Variants in GPHN observed in about 807,000 individuals in gnomAD.
GPHN encodes the protein gephyrin.
A neutral mutation model predicts 95.5 loss-of-function variants in GPHN; 17 were observed. The observed-to-expected ratio is 0.18, with a 90% CI of 0.12 to 0.27. The LOEUF (loss-of-function observed/expected upper bound fraction) is 0.27, where lower values mean the gene tolerates loss of function less well. Among genes scored for constraint, GPHN ranks in the 10% least tolerant of loss-of-function variants. The pLI is 1.00. For missense variants in GPHN, 660 were observed against 978.1 expected (o/e 0.67, Z 4.34); for synonymous variants, 320 against 322.5 (o/e 0.99, Z 0.08).
the GPHN span, among the ~76,000 whole-genome samples, chr14:67,367,142 A>G: frequency 6.6e-6 from 1 of 152,162 alleles, no homozygotes; most frequent in South Asian, 2.1e-4. Flanking sequence ...TAGGGGAAAA[A>G]TCTGAACAGA....
chr14:67,308,998 T>C, the GPHN span, among the ~76,000 whole-genome samples: 2 of 152,024 alleles, frequency 1.3e-5, no homozygotes, highest in Non-Finnish European at 2.9e-5. Flanking sequence ...GAACAGCTTA[T>C]AGATATTAAA....
chr14:66,665,879 G>A (rs1038095143), intron 1 of GPHN, among the ~76,000 whole-genome samples: 7 of 152,152 alleles, frequency 4.6e-5, no homozygotes, highest in African/African-American at 1.7e-4. Flanking sequence ...AGACTGGATT[G>A]AGAAAATGTG....
intron 2 of GPHN, among the ~76,000 whole-genome samples, chr14:66,745,944 C>T (rs1449981159): frequency 6.6e-6 from 1 of 151,988 alleles, no homozygotes; most frequent in African/African-American, 2.4e-5. Context: ...TAAATAGAAT[C>T]AGAAAGTATG....
At chr14:67,024,266 T>C (rs2073814565) in intron 10 of GPHN, among the ~76,000 whole-genome samples, 1 of 152,178 alleles carries the variant, frequency 6.6e-6, no homozygotes, top group South Asian at 2.1e-4. Flanking sequence ...CTATAATAGG[T>C]TTTCCTTATC....
the GPHN span, among the ~76,000 whole-genome samples, chr14:67,328,295 T>A: frequency 1.4e-3 from 220 of 152,386 alleles, no homozygotes; most frequent in Middle Eastern, 3.4e-3. Context: ...GAGAAGTGTC[T>A]GTTCATATCC....
the GPHN span, chr14:67,695,952 C>A: frequency 2.0e-6 from 1 of 492,502 alleles, no homozygotes; most frequent in Non-Finnish European, 3.6e-6. Context: ...GATCATTCAC[C>A]CAGCTCTCAG....
chr14:67,167,750 G>A (rs1162887050), intron 20 of GPHN, among the ~76,000 whole-genome samples: 3 of 152,138 alleles, frequency 2.0e-5, no homozygotes, highest in East Asian at 3.9e-4. Context: ...TGAAATTTTA[G>A]AACCAGAAGA....
the GPHN span, among the ~76,000 whole-genome samples, chr14:67,299,174 A>G: frequency 6.6e-6 from 1 of 152,292 alleles, no homozygotes; most frequent in Admixed American, 6.5e-5. Flanking sequence ...GCATTATTCT[A>G]TATGTGTATT....
chr14:67,321,367 C>A, the GPHN span: 1 of 1,006,742 alleles, frequency 9.9e-7, no homozygotes, highest in Middle Eastern at 3.0e-4. Context: ...TAATTAAGTT[C>A]TCATACGGTT....
At chr14:66,579,500 G>T (rs1267749234) in intron 1 of GPHN, among the ~76,000 whole-genome samples, 1 of 151,544 alleles carries the variant, frequency 6.6e-6, no homozygotes, top group Non-Finnish European at 1.5e-5. Flanking sequence ...GACTGAAAGT[G>T]AAGAAATGGG....
At chr14:67,277,139 A>G in the GPHN span, among the ~76,000 whole-genome samples, 1 of 152,236 alleles carries the variant, frequency 6.6e-6, no homozygotes, top group Non-Finnish European at 1.5e-5. Flanking sequence ...TTGCATTTGC[A>G]TATAATCAAT....
chr14:66,861,585 C>T (rs1244082539), intron 4 of GPHN, among the ~76,000 whole-genome samples: 1 of 151,938 alleles, frequency 6.6e-6, no homozygotes, highest in African/African-American at 2.4e-5. Context: ...AAGGATAGAC[C>T]ATATGTTGGG....
intron 1 of GPHN, among the ~76,000 whole-genome samples, chr14:66,630,009 TA>T (rs1239138138): frequency 6.6e-6 from 1 of 152,130 alleles, no homozygotes; most frequent in Non-Finnish European, 1.5e-5. Flanking sequence ...TTATTTTAAT[TA>T]AATTGGTTTA....
At chr14:67,502,330 C>CA in the GPHN span, among the ~76,000 whole-genome samples, 3 of 140,708 alleles carry the variant, frequency 2.1e-5, no homozygotes, top group South Asian at 2.2e-4. Flanking sequence ...GACTCCATCT[C>CA]AAAAAAAAGA....
At chr14:67,179,116 G>A (rs977794909) in intron 21 of GPHN, among the ~76,000 whole-genome samples, 3 of 152,184 alleles carry the variant, frequency 2.0e-5, no homozygotes, top group African/African-American at 7.2e-5. Context: ...CAGGCATGGT[G>A]GCTCATGCCT....
intron 4 of GPHN, among the ~76,000 whole-genome samples, chr14:66,849,401 C>A (rs910256700): frequency 1.7e-4 from 26 of 151,894 alleles, no homozygotes; most frequent in African/African-American, 6.3e-4. Context: ...AGAAATATTT[C>A]CTAAAATACA....
chr14:66,875,547 A>C (rs143553718), intron 4 of GPHN, among the ~76,000 whole-genome samples: 1,833 of 152,344 alleles, frequency 0.012, 19 homozygotes, highest in Non-Finnish European at 0.018. Context: ...GCTCAAAATA[A>C]AGGGATGGAG....
intron 2 of GPHN, among the ~76,000 whole-genome samples, chr14:66,728,563 A>G (rs2071464566): frequency 6.6e-6 from 1 of 152,218 alleles, no homozygotes; most frequent in Admixed American, 6.5e-5. Flanking sequence ...CTGGAGTCAA[A>G]GGAGATCATT....
chr14:66,954,380 C>G (rs1187369697), intron 8 of GPHN, among the ~76,000 whole-genome samples: 1 of 152,060 alleles, frequency 6.6e-6, no homozygotes, highest in African/African-American at 2.4e-5. Flanking sequence ...ATTTTATTCT[C>G]TTTGATGCTA....
Sources: gnomAD v4.1 joint callset for allele counts (sites outside exome capture counted in the v4.1 genomes callset) on GRCh38, gnomAD v4.1.1 for gene constraint, MANE v1.5 for transcripts, NCBI Gene and HGNC (gene_info 2026-07-23, HGNC 2026-07-21) for gene names.